TMEM8B: variants seen among roughly 807,000 people sequenced by gnomAD.
TMEM8B encodes transmembrane protein 8B.
In TMEM8B, 29 loss-of-function variants were observed where a neutral mutation model predicts 49.3. The observed-to-expected ratio is 0.59, with a 90% CI of 0.44 to 0.80. The LOEUF is 0.80. TMEM8B is among the 30% of genes least tolerant of loss of function. TMEM8B has a pLI of 0.00. For missense variants in TMEM8B, 575 were observed against 658.5 expected, an observed-to-expected ratio of 0.87 and a Z score of 1.39; for synonymous variants, 264 against 272.8, an observed-to-expected ratio of 0.97 and a Z score of 0.32.
intron 1 of TMEM8B, chr9:35,833,425 G>GCCATTTGGGACCCTCTTCC: frequency 1.1e-6 from 1 of 944,368 alleles, no homozygotes; most frequent in Non-Finnish European, 1.3e-6. Context: ...GACCTTGCCT[G>GCCATTTGGGACCCTCTTCC]CCATTTGGGA....
Position 35,841,117 on chromosome 9 carries a change from C to G in TMEM8B, c.907-17C>G, listed in dbSNP as rs910477138. The stretch of plus-strand genomic sequence containing the variant: ...CTGCTGTCTCTCCCTCTCCTGCCAC[C>G]CCTGCTTTTGTCCCAGGGTCTCCAG... On this transcript the variant is annotated splice_polypyrimidine_tract_variant and intron_variant, in intron 3 of 12. Transcript: ENST00000643932. This position sits in a 1 kb window ranked among gnomAD's most constrained non-coding sequence, Gnocchi z 5.9. 3.1e-5 allele frequency: 13 copies of G among 415,686 alleles called. No homozygotes were observed. The highest frequency in any genetic ancestry group is 5.3e-5 in the Non-Finnish European group (12 of 226,436). The allele number at this position is 415,686 out of a possible 1,614,324, so 25.7% of individuals were successfully genotyped here.
At position 35,853,722 on chromosome 9, in the gene TMEM8B, G is replaced by T. The variant is rs369649644; in HGVS notation, c.2657G>T (p.Gly886Val). 1.9e-6 allele frequency: 3 copies of T among 1,613,974 alleles called. No individual in the cohort carries two copies. Among genetic ancestry groups the T allele is most frequent in the African/African-American group, 1.3e-5 (1 of 74,930 alleles). The change falls in exon 13 of 13, where the codon GGG becomes GTG. Residue 886 changes from glycine (G) to valine (V), a missense_variant. By Grantham distance (109) the Gly-to-Val change is moderately radical. Transcript: ENST00000643932. The surrounding 1 kb of genome is among the most constrained non-coding windows in gnomAD (Gnocchi z 4.2). ...LLPPRAKTDHGVPSGARARGC... is the reference protein window; with the variant it reads ...LLPPRAKTDHVVPSGARARGC... ...CCCCCTCGTGCCAAGACTGACCACG[G>T]GGTCCCATCTGGAGCCCGGGCCCGG...
intron 10 of TMEM8B, among the ~76,000 whole-genome samples, chr9:35,850,976 T>C (rs1206749608): frequency 6.6e-6 from 1 of 152,216 alleles, no homozygotes; most frequent in Non-Finnish European, 1.5e-5. Context: ...ATCAATTTCC[T>C]ATAGCTAAAA....
At chr9:35,849,775 C>T (rs912949375) in intron 10 of TMEM8B, among the ~76,000 whole-genome samples, 4 of 152,120 alleles carry the variant, frequency 2.6e-5, no homozygotes, top group Admixed American at 6.5e-5. Flanking sequence ...AGATAAGAGC[C>T]GATCAAGAGA....
Position 35,829,490 on chromosome 9 carries a change from C to T in TMEM8B, c.43C>T (p.Pro15Ser), listed in dbSNP as rs2132176499. 1 of 376,264 alleles carries T rather than the reference C, an allele frequency of 2.7e-6. No homozygotes were observed. The highest frequency in any genetic ancestry group is 3.8e-5 in the East Asian group (1 of 26,142). The allele number at this position is 376,264 out of a possible 1,614,324, so 23.3% of individuals were successfully genotyped here. ...CCGGCCCCTCGTCCTATCCCAATCCCCGCCTTGGCCCCCAGCCCCGCCCTC... is the reference window on the plus strand; with the variant it reads ...CCGGCCCCTCGTCCTATCCCAATCCTCGCCTTGGCCCCCAGCCCCGCCCTC... ...LSRPLVLSQS[P>S]PWPPAPPSPR... Residue 15 changes from proline to serine, a missense_variant, in exon 1 of 13, where the codon CCG (proline) becomes TCG (serine). By Grantham distance (74) the Pro-to-Ser change is moderately conservative. Transcript: ENST00000643932.
chr9:35,851,292 C>T (rs555961072), intron 10 of TMEM8B, among the ~76,000 whole-genome samples: 2 of 150,590 alleles, frequency 1.3e-5, no homozygotes, highest in South Asian at 2.1e-4. Context: ...TATAGGCACA[C>T]GCTACCGTGC....
At chr9:35,848,630 C>T (rs997840218) in intron 10 of TMEM8B, among the ~76,000 whole-genome samples, 1 of 151,770 alleles carries the variant, frequency 6.6e-6, no homozygotes, top group African/African-American at 2.4e-5. Context: ...CCTCAAGTGC[C>T]TGGCACCACA....
At chr9:35,848,023 T>C (rs540420590) in intron 10 of TMEM8B, among the ~76,000 whole-genome samples, 2 of 152,320 alleles carry the variant, frequency 1.3e-5, no homozygotes, top group South Asian at 4.1e-4. Context: ...TCAGCAAGGA[T>C]ATCACAGAAA....
intron 2 of TMEM8B, 131 bp downstream of exon 2, chr9:35,834,781 G>A (rs1588127658): frequency 2.4e-6 from 1 of 409,876 alleles, no homozygotes. Flanking sequence ...CTGAGTGAGG[G>A]CCATGACCTC....
chr9:35,846,269 G>T lies in TMEM8B; in HGVS notation c.1741G>T (p.Gly581Cys), dbSNP rs761109793. 6.2e-7 allele frequency: 1 copy of T among 1,614,184 alleles called. No individual in the cohort carries two copies. The highest frequency in any genetic ancestry group is 1.7e-5 in the Admixed American group (1 of 60,018). The change falls in exon 8 of 13, where the codon GGC becomes TGC. Residue 581 changes from glycine to cysteine, a missense_variant. Transcript: ENST00000643932. ...AVTCSKESLA[G>C]FLLSVSATTR... ...CCTTCTCCCTTCAGAGTCCCTGGCC[G>T]GCTTCCTCCTCTCTGTCAGTGCCAC...
rs1320165047 is a variant in TMEM8B at position 35,858,302 on chromosome 9, G to C, written c.*4462G>C. 2 of 151,882 alleles carry C rather than the reference G, an allele frequency of 1.3e-5. No individual in the cohort carries two copies. Among genetic ancestry groups the C allele is most frequent in the African/African-American group, 4.8e-5 (2 of 41,294 alleles). The allele number at this position is 151,882 out of a possible 1,614,324, so 9.4% of individuals were successfully genotyped here. On this transcript the variant is annotated 3_prime_UTR_variant, in exon 13 of 13. Transcript: ENST00000643932. ...GGCAGGGTTTCATCACATTTCCCGG[G>C]CTGGTCTCGAACTCCTGGCCTCAGG...
Position 35,846,331 on chromosome 9 carries a change from G to T in TMEM8B, c.1803G>T (p.Gln601His). ...RVARLRIPFP[Q>H]TGTWFLALRS... ...CCAGGCTGCGAATCCCATTCCCGCA[G>T]ACGGGGACCTGGTTCCTGGCCCTCC... The change falls in exon 8 of 13, where the codon CAG (glutamine) becomes CAT (histidine). Residue 601 changes from glutamine (Q) to histidine (H), a missense_variant. Transcript: ENST00000643932. 1.2e-6 allele frequency: 2 copies of T among 1,614,154 alleles called. No homozygotes were observed. The highest frequency in any genetic ancestry group is 1.7e-6 in the Non-Finnish European group (2 of 1,180,040).
In TMEM8B at chr9:35,853,526, C is replaced by T. The variant is rs201557437; in HGVS notation, c.2461C>T (p.Arg821Trp). 25 of 1,613,510 alleles carry T rather than the reference C, an allele frequency of 1.5e-5. No homozygotes were observed. The highest frequency in any genetic ancestry group is 2.2e-5 in the South Asian group (2 of 91,054). Reference sequence around the variant, plus strand: ...CCAGACAGTACGCAGCGTCCGCCGCCGGCACTGCTACCCACCCACGTGGCG... The same window carrying T: ...CCAGACAGTACGCAGCGTCCGCCGCTGGCACTGCTACCCACCCACGTGGCG... The part of the protein sequence containing the change: ...TAWTVRSVRR[R>W]HCYPPTWRRW... The change falls in exon 13 of 13, where the codon CGG becomes TGG. Residue 821 changes from arginine to tryptophan, a missense_variant. Arg to Trp is a moderately radical substitution (Grantham distance 101). Coordinates refer to ENST00000643932, the MANE Select transcript of TMEM8B (RefSeq NM_001042590.4). The surrounding 1 kb of genome is among the most constrained non-coding windows in gnomAD (Gnocchi z 4.2).
rs200693877 is a variant in TMEM8B at position 35,860,659 on chromosome 9, A to G, written c.*6819A>G. On this transcript the variant is annotated 3_prime_UTR_variant, in exon 13 of 13. Transcript: ENST00000643932. The stretch of plus-strand genomic sequence containing the variant: ...CTCCTTAAGGAATCATGGACCATTC[A>G]TTATTTTGTTTAAAAGGACACATAA... The G allele has an allele frequency of 7.8e-6, 1 of 128,962 alleles. No homozygotes were observed. Among genetic ancestry groups the G allele is most frequent in the African/African-American group, 2.7e-5 (1 of 36,912 alleles). The allele number at this position is 128,962 out of a possible 1,614,324, so 8.0% of individuals were successfully genotyped here.
chr9:35,846,020 C>T lies in TMEM8B; in HGVS notation c.1681C>T (p.His561Tyr). The change falls in exon 7 of 13, where the codon CAC (histidine) becomes TAC (tyrosine). Residue 561 changes from histidine (H) to tyrosine (Y), a missense_variant. Coordinates refer to ENST00000643932, the MANE Select transcript of TMEM8B (RefSeq NM_001042590.4). ...CGTGACGGTGTTTGGATGCTTGACT[C>T]ACGAGGTGCCCTTGAGCCTGGGGGA... ...ENVTVFGCLTHEVPLSLGDAA... is the reference protein window; with the variant it reads ...ENVTVFGCLTYEVPLSLGDAA... The T allele has an allele frequency of 1.2e-6, 2 of 1,613,682 alleles. No individual in the cohort carries two copies. The highest frequency in any genetic ancestry group is 1.7e-6 in the Non-Finnish European group (2 of 1,179,966).
intron 1 of TMEM8B, among the ~76,000 whole-genome samples, chr9:35,832,168 GGTGTGTGTGTGT>G (rs34044138): frequency 6.8e-6 from 1 of 146,752 alleles, no homozygotes; most frequent in African/African-American, 2.5e-5. Context: ...TAGGTGTAGG[GGTGTGTGTGTGT>G]GTGTGTGTGT....
chr9:35,855,082 T>C lies in TMEM8B; in HGVS notation c.*1242T>C, dbSNP rs1832467473. 1 of 152,246 alleles carries C rather than the reference T, an allele frequency of 6.6e-6. No individual in the cohort carries two copies. Among genetic ancestry groups the C allele is most frequent in the Non-Finnish European group, 1.5e-5 (1 of 68,052 alleles). The allele number at this position is 152,246 out of a possible 1,614,324, so 9.4% of individuals were successfully genotyped here. A position where few individuals can be genotyped will look rare whatever the true frequency, so the allele number is the denominator to read the frequency against. ...TGCAGAGAGATTTCTTGTTCCCATT[T>C]GCATTACTCTCTCAGTCCTAAGGTT... On this transcript the variant is annotated 3_prime_UTR_variant, in exon 13 of 13. Transcript: ENST00000643932.
At position 35,838,183 on chromosome 9, in the gene TMEM8B, C is replaced by T. The variant is rs1343609480; in HGVS notation, c.907-2951C>T. Among the ~76,000 whole-genome samples, 3 of 152,138 alleles carry T rather than the reference C, an allele frequency of 2.0e-5. No homozygotes were observed. In the East Asian group the frequency reaches 5.8e-4, roughly 29 times the overall value. ...TTTATTTATTTTTTGAATAGGCAAT[C>T]CATGCACCTGGTACAACATTCAAAA... On this transcript the variant is annotated intron_variant, in intron 3 of 12. Coordinates refer to ENST00000643932, the MANE Select transcript of TMEM8B (RefSeq NM_001042590.4).
rs982076836 is a variant in TMEM8B, at chr9:35,833,228, C to T, written c.509-1233C>T. On this transcript the variant is annotated intron_variant, in intron 1 of 12. Coordinates refer to ENST00000643932, the MANE Select transcript of TMEM8B (RefSeq NM_001042590.4). ...AGGGAGATGATTGGACTAGGTTAGC[C>T]CTGAGGGTATTTCCTGCTTGGCTGA... 3 of 720,524 alleles carry T rather than the reference C, an allele frequency of 4.2e-6. No homozygotes were observed. In the East Asian group the frequency reaches 4.0e-4, roughly 96 times the overall value. 44.6% of individuals were successfully genotyped at this position (720,524 alleles called of 1,614,324 possible).
Sources: gnomAD v4.1 joint callset for allele counts (sites outside exome capture counted in the v4.1 genomes callset) on GRCh38, gnomAD v4.1.1 for gene constraint, Gnocchi (gnomAD v3.1) non-coding constraint, MANE v1.5 for transcripts, NCBI Gene and HGNC (gene_info 2026-07-23, HGNC 2026-07-21) for gene names.